Variants in EGR3 observed in about 807,000 individuals in gnomAD.
EGR3 encodes early growth response protein 3.
Under a neutral mutation model 22.4 loss-of-function variants are expected in EGR3, and 4 were observed. That is an observed-to-expected ratio of 0.18 (90% CI 0.09 to 0.41). The LOEUF is 0.41. Ranked by LOEUF, EGR3 falls within the 10% of genes least tolerant of loss-of-function variation. EGR3 has a pLI of 1.00. For missense variants in EGR3, 315 were observed against 541.3 expected, an observed-to-expected ratio of 0.58 and a Z score of 4.15; for synonymous variants, 219 against 226.8, an observed-to-expected ratio of 0.97 and a Z score of 0.31.
chr8:22,692,110 G>A lies in EGR3; in HGVS notation c.155-628C>T, dbSNP rs1395246846. 7.3e-7 allele frequency: 1 copy of A among 1,364,842 alleles called. No individual in the cohort carries two copies. Among genetic ancestry groups the A allele is most frequent in the East Asian group, 3.0e-5 (1 of 33,140 alleles). 84.5% of individuals were successfully genotyped at this position (1,364,842 alleles called of 1,614,324 possible). A position where few individuals can be genotyped will look rare whatever the true frequency, so the allele number is the denominator to read the frequency against. On this transcript the variant is annotated intron_variant, in intron 1 of 1. Coordinates refer to ENST00000317216, the MANE Select transcript of EGR3 (RefSeq NM_004430.3). The surrounding 1 kb of genome is among the most constrained non-coding windows in gnomAD (Gnocchi z 6.2). ...GAGGGGAAAATCCTAGCCCCAGCTA[G>A]GGAGGGTGGAGAGCGGCGGAAAACC...
chr8:22,692,232 C>T lies in EGR3; in HGVS notation c.154+559G>A, dbSNP rs952449727. The T allele has an allele frequency of 1.3e-5, 19 of 1,461,486 alleles. No homozygotes were observed. The highest frequency in any genetic ancestry group is 5.8e-5 in the African/African-American group (4 of 68,472). 90.5% of individuals were successfully genotyped at this position (1,461,486 alleles called of 1,614,324 possible). A position where few individuals can be genotyped will look rare whatever the true frequency, so the allele number is the denominator to read the frequency against. On this transcript the variant is annotated intron_variant, in intron 1 of 1. Coordinates refer to ENST00000317216, the MANE Select transcript of EGR3 (RefSeq NM_004430.3). This position sits in a 1 kb window ranked among gnomAD's most constrained non-coding sequence, Gnocchi z 6.2. ...GGCCCTCGCCCCGCGGGTGAACCCC[C>T]TCCTTCTCCCCGCCGTCCCCACACC...
rs1467399781 is a variant in EGR3 at position 22,692,034 on chromosome 8, C to T, written c.155-552G>A. 2 of 1,311,590 alleles carry T rather than the reference C, an allele frequency of 1.5e-6. No homozygotes were observed. The highest frequency in any genetic ancestry group is 1.9e-6 in the Non-Finnish European group (2 of 1,031,820). 81.2% of individuals were successfully genotyped at this position (1,311,590 alleles called of 1,614,324 possible). A position where few individuals can be genotyped will look rare whatever the true frequency, so the allele number is the denominator to read the frequency against. On this transcript the variant is annotated intron_variant, in intron 1 of 1. Transcript: ENST00000317216. The surrounding 1 kb of genome is among the most constrained non-coding windows in gnomAD (Gnocchi z 6.2). ...CCCTCAAAGGGAGCTCTCCCTTCAC[C>T]TACCCCGGCCCCAGCCTCCTCGGGC...
Position 22,691,120 on chromosome 8 carries a change from G to A in EGR3, c.517C>T (p.Pro173Ser), listed in dbSNP as rs1237741113. The part of the protein sequence containing the change: ...PQGNPGLAYS[P>S]QDYQSAKPAL... ...GGCTTGGCCGATTGGTAATCCTGGG[G>A]GGAATAGGCGAGCCCGGGATTGCCC... Residue 173 changes from proline to serine, a missense_variant, in exon 2 of 2, where the codon CCC (proline) becomes TCC (serine). Pro to Ser is a moderately conservative substitution (Grantham distance 74). Around this residue, in one of 4 missense-constraint regions of EGR3, gnomAD observed 227 missense variants for 303.6 expected, o/e 0.75. Transcript: ENST00000317216. 1 of 1,614,038 alleles carries A rather than the reference G, an allele frequency of 6.2e-7. No homozygotes were observed. The highest frequency in any genetic ancestry group is 8.5e-7 in the Non-Finnish European group (1 of 1,180,028).
Position 22,689,639 on chromosome 8 carries a change from ATCAAAC to A in EGR3, c.*828_*833del. 1 of 152,608 alleles carries A rather than the reference ATCAAAC, an allele frequency of 6.6e-6. No individual in the cohort carries two copies. Among genetic ancestry groups the A allele is most frequent in the Non-Finnish European group, 1.5e-5 (1 of 68,040 alleles). 9.5% of individuals were successfully genotyped at this position (152,608 alleles called of 1,614,324 possible). A position where few individuals can be genotyped will look rare whatever the true frequency, so the allele number is the denominator to read the frequency against. On this transcript the variant is annotated 3_prime_UTR_variant, in exon 2 of 2. Coordinates refer to ENST00000317216, the MANE Select transcript of EGR3 (RefSeq NM_004430.3). ...CGATGGCTGCTCTTTCTCCCCACAG[ATCAAAC>A]TGCCCTGAGGCCTAAGAGGGAAGCG... is the stretch of plus-strand genomic sequence containing the variant.
In EGR3 at chr8:22,691,454, G is replaced by A; in HGVS notation, c.183C>T (p.Asn61=). 1 of 1,614,108 alleles carries A rather than the reference G, an allele frequency of 6.2e-7. No homozygotes were observed. ...AAGAGAGTTCCGGGTTGGGCTTCTCGTTGGTCAGACCGATGTCCATTACAT... is the reference window on the plus strand; with the variant it reads ...AAGAGAGTTCCGGGTTGGGCTTCTCATTGGTCAGACCGATGTCCATTACAT... ...TENVMDIGLT[N]EKPNPELSYS... Residue 61 remains asparagine, a synonymous_variant, in exon 2 of 2, where the codon AAC becomes AAT. Coordinates refer to ENST00000317216, the MANE Select transcript of EGR3 (RefSeq NM_004430.3).
intron 1 of EGR3, 133 bp from the exon 2 acceptor site, chr8:22,691,615 CT>C: frequency 6.9e-7 from 1 of 1,442,024 alleles, no homozygotes; most frequent in Non-Finnish European, 9.2e-7. Context: ...AAGAGGAACG[CT>C]GAGCCCCGCG....
Position 22,690,380 on chromosome 8 carries a change from C to T in EGR3, c.*93G>A, listed in dbSNP as rs576597699. ...CGTCCATGGAGAGGCCAGGGCGCGGCCCCTACGCCTCCGTGGCTGGCTTTC... is the reference window on the plus strand; with the variant it reads ...CGTCCATGGAGAGGCCAGGGCGCGGTCCCTACGCCTCCGTGGCTGGCTTTC... On this transcript the variant is annotated 3_prime_UTR_variant, in exon 2 of 2. Transcript: ENST00000317216. The T allele has an allele frequency of 1.5e-4, 161 of 1,081,308 alleles. No individual in the cohort carries two copies. Among genetic ancestry groups the T allele is most frequent in the South Asian group, 1.9e-4 (12 of 64,640 alleles). 67.0% of individuals were successfully genotyped at this position (1,081,308 alleles called of 1,614,324 possible). A position where few individuals can be genotyped will look rare whatever the true frequency, so the allele number is the denominator to read the frequency against.
chr8:22,692,038 C>G lies in EGR3; in HGVS notation c.155-556G>C. On this transcript the variant is annotated intron_variant, in intron 1 of 1. Coordinates refer to ENST00000317216, the MANE Select transcript of EGR3 (RefSeq NM_004430.3). The surrounding 1 kb of genome is among the most constrained non-coding windows in gnomAD (Gnocchi z 6.2). ...CAAAGGGAGCTCTCCCTTCACCTACCCCGGCCCCAGCCTCCTCGGGCATGA... is the reference window on the plus strand; with the variant it reads ...CAAAGGGAGCTCTCCCTTCACCTACGCCGGCCCCAGCCTCCTCGGGCATGA... 1 of 1,311,608 alleles carries G rather than the reference C, an allele frequency of 7.6e-7. No individual in the cohort carries two copies. The highest frequency in any genetic ancestry group is 9.7e-7 in the Non-Finnish European group (1 of 1,031,854). 81.2% of individuals were successfully genotyped at this position (1,311,608 alleles called of 1,614,324 possible).
In EGR3 at chr8:22,692,292, G is replaced by A; in HGVS notation, c.154+499C>T. ...TTGCTGAACGCCCCGGAAAGGCAGC[G>A]TCGCAGTACCTCTCCCACCGCGGGG... On this transcript the variant is annotated intron_variant, in intron 1 of 1. Transcript: ENST00000317216. This position sits in a 1 kb window ranked among gnomAD's most constrained non-coding sequence, Gnocchi z 6.2. The A allele has an allele frequency of 6.6e-7, 1 of 1,516,402 alleles. No homozygotes were observed. The highest frequency in any genetic ancestry group is 2.1e-5 in the Admixed American group (1 of 48,504). 93.9% of individuals were successfully genotyped at this position (1,516,402 alleles called of 1,614,324 possible).
rs1804010427 is a variant in EGR3, at chr8:22,692,664, T to G, written c.154+127A>C. On this transcript the variant is annotated intron_variant, in intron 1 of 1. Coordinates refer to ENST00000317216, the MANE Select transcript of EGR3 (RefSeq NM_004430.3). This position sits in a 1 kb window ranked among gnomAD's most constrained non-coding sequence, Gnocchi z 6.2. ...CCCCATCTCTCCATCCATTTATCTA[T>G]CCACCCATCCACCCATCCATCCATC... 7.0e-7 allele frequency: 1 copy of G among 1,431,372 alleles called. No individual in the cohort carries two copies. The highest frequency in any genetic ancestry group is 2.5e-5 in the East Asian group (1 of 40,036). The allele number at this position is 1,431,372 out of a possible 1,614,324, so 88.7% of individuals were successfully genotyped here.
At position 22,690,626 on chromosome 8, in the gene EGR3, G is replaced by A. The variant is rs755561201; in HGVS notation, c.1011C>T (p.Phe337=). ...HTGEKPFACE[F]CGRKFARSDE... is the part of the protein sequence containing the mutation. ...CGCTGCGCGCAAACTTGCGCCCGCA[G>A]AACTCGCAGGCAAAGGGCTTCTCGC... Residue 337 remains phenylalanine (F), a synonymous_variant, in exon 2 of 2, where the codon TTC becomes TTT. Transcript: ENST00000317216. 2 of 1,614,050 alleles carry A rather than the reference G, an allele frequency of 1.2e-6. No homozygotes were observed. Among genetic ancestry groups the A allele is most frequent in the South Asian group, 2.2e-5 (2 of 91,086 alleles).
At position 22,692,666 on chromosome 8, in the gene EGR3, C is replaced by T; in HGVS notation, c.154+125G>A. On this transcript the variant is annotated intron_variant, in intron 1 of 1. Coordinates refer to ENST00000317216, the MANE Select transcript of EGR3 (RefSeq NM_004430.3). This position sits in a 1 kb window ranked among gnomAD's most constrained non-coding sequence, Gnocchi z 6.2. The stretch of plus-strand genomic sequence containing the variant: ...CCATCTCTCCATCCATTTATCTATC[C>T]ACCCATCCACCCATCCATCCATCCA... 4 of 1,437,670 alleles carry T rather than the reference C, an allele frequency of 2.8e-6. No individual in the cohort carries two copies. The highest frequency in any genetic ancestry group is 3.7e-6 in the Non-Finnish European group (4 of 1,081,148). 89.1% of individuals were successfully genotyped at this position (1,437,670 alleles called of 1,614,324 possible). A position where few individuals can be genotyped will look rare whatever the true frequency, so the allele number is the denominator to read the frequency against.
chr8:22,692,082 C>G lies in EGR3; in HGVS notation c.155-600G>C. 1 of 1,347,552 alleles carries G rather than the reference C, an allele frequency of 7.4e-7. No individual in the cohort carries two copies. Among genetic ancestry groups the G allele is most frequent in the African/African-American group, 1.5e-5 (1 of 65,308 alleles). The allele number at this position is 1,347,552 out of a possible 1,614,324, so 83.5% of individuals were successfully genotyped here. ...GGCATGAAGGAGCTTTAGGCTCTTG[C>G]TGGAGGGGAAAATCCTAGCCCCAGC... On this transcript the variant is annotated intron_variant, in intron 1 of 1. Coordinates refer to ENST00000317216, the MANE Select transcript of EGR3 (RefSeq NM_004430.3). This position sits in a 1 kb window ranked among gnomAD's most constrained non-coding sequence, Gnocchi z 6.2.
In EGR3 at chr8:22,692,095, T is replaced by C. The variant is rs1803989148; in HGVS notation, c.155-613A>G. ...TTTAGGCTCTTGCTGGAGGGGAAAA[T>C]CCTAGCCCCAGCTAGGGAGGGTGGA... On this transcript the variant is annotated intron_variant, in intron 1 of 1. Coordinates refer to ENST00000317216, the MANE Select transcript of EGR3 (RefSeq NM_004430.3). The surrounding 1 kb of genome is among the most constrained non-coding windows in gnomAD (Gnocchi z 6.2). 1 of 1,357,982 alleles carries C rather than the reference T, an allele frequency of 7.4e-7. No homozygotes were observed. Among genetic ancestry groups the C allele is most frequent in the Admixed American group, 3.7e-5 (1 of 27,362 alleles). 84.1% of individuals were successfully genotyped at this position (1,357,982 alleles called of 1,614,324 possible).
rs996324450 is a variant in EGR3 at position 22,690,253 on chromosome 8, G to C, written c.*220C>G. On this transcript the variant is annotated 3_prime_UTR_variant, in exon 2 of 2. Coordinates refer to ENST00000317216, the MANE Select transcript of EGR3 (RefSeq NM_004430.3). ...TTCCGCCCCCACGCCTTGGCTAAGT[G>C]GGGGACCGCGAGGGGAAGGCGCCTC... The C allele has an allele frequency of 7.0e-6, 4 of 574,986 alleles. No individual in the cohort carries two copies. In the African/African-American group the frequency reaches 7.6e-5, roughly 11 times the overall value. The allele number at this position is 574,986 out of a possible 1,614,324, so 35.6% of individuals were successfully genotyped here.
In EGR3 at chr8:22,692,726, G is replaced by T; in HGVS notation, c.154+65C>A. ...CCATCCATCCATCCATCACCAGGTCGTCCCCTCCTCCTCTTCCTCTCCCCT... is the reference window on the plus strand; with the variant it reads ...CCATCCATCCATCCATCACCAGGTCTTCCCCTCCTCCTCTTCCTCTCCCCT... On this transcript the variant is annotated intron_variant, in intron 1 of 1. Transcript: ENST00000317216. This position sits in a 1 kb window ranked among gnomAD's most constrained non-coding sequence, Gnocchi z 6.2. 6.3e-7 allele frequency: 1 copy of T among 1,584,716 alleles called. No homozygotes were observed.
In EGR3 at chr8:22,690,456, A is replaced by G; in HGVS notation, c.*17T>C. On this transcript the variant is annotated 3_prime_UTR_variant, in exon 2 of 2. Transcript: ENST00000317216. ...GAGGCACTGGAGGGGAAAAGTGGGG[A>G]TCTGGGGGCCCGATCCTCAGGCGCA... 1 of 1,582,880 alleles carries G rather than the reference A, an allele frequency of 6.3e-7. No individual in the cohort carries two copies. Among genetic ancestry groups the G allele is most frequent in the Non-Finnish European group, 8.6e-7 (1 of 1,162,784 alleles).
Sources: allele counts gnomAD v4.1 joint callset, GRCh38; gene constraint gnomAD v4.1.1; regional missense constraint gnomAD v4.1.1; non-coding constraint Gnocchi (gnomAD v3.1); transcripts MANE v1.5; gene names NCBI Gene and HGNC (gene_info 2026-07-23, HGNC 2026-07-21).